The following ST8SIA2 variants were observed in gnomAD, a reference collection of about 807,000 sequenced individuals.
The protein encoded by ST8SIA2 is ST8 alpha-N-acetyl-neuraminide alpha-2,8-sialyltransferase 2.
Under a neutral mutation model 37.6 loss-of-function variants are expected in ST8SIA2, and 22 were observed. The observed-to-expected ratio is 0.58, with a 90% CI of 0.42 to 0.83. The LOEUF is 0.83. Among genes scored for constraint, ST8SIA2 ranks in the 40% least tolerant of loss-of-function variants. The pLI, the probability that ST8SIA2 is intolerant of heterozygous loss-of-function variation, is 0.00. For missense variants in ST8SIA2, 382 were observed against 484.7 expected, an observed-to-expected ratio of 0.79 and a Z score of 1.99; for synonymous variants, 205 against 201.2, an observed-to-expected ratio of 1.02 and a Z score of -0.16.
chr15:92,441,542 C>G (rs2049801757), intron 4 of ST8SIA2, among the ~76,000 whole-genome samples: 1 of 150,984 alleles, frequency 6.6e-6, no homozygotes, highest in Admixed American at 6.6e-5. Flanking sequence ...AGTATAAGTT[C>G]CCAGATGTTT....
In ST8SIA2 at chr15:92,459,225, T is replaced by G. The variant is rs1468874175; in HGVS notation, c.843-4875T>G. 3.9e-5 allele frequency among the ~76,000 whole-genome samples: 6 copies of G among 152,322 alleles called. No individual in the cohort carries two copies. In the South Asian group the frequency reaches 1.0e-3, roughly 26 times the overall value. ...CTATCAGAAAATAAACAAACCATTG[T>G]TTATCTGGCCTGTGTTAGGGCTTGA... On this transcript the variant is annotated intron_variant, in intron 5 of 5. Transcript: ENST00000268164.
chr15:92,452,290 G>C (rs540639112), intron 5 of ST8SIA2, among the ~76,000 whole-genome samples: 1 of 152,334 alleles, frequency 6.6e-6, no homozygotes, highest in African/African-American at 2.4e-5. Context: ...AACTCTAGGA[G>C]TGGGGCCCAC....
At chr15:92,426,126 G>A (rs58239448) in intron 1 of ST8SIA2, among the ~76,000 whole-genome samples, 5,038 of 152,250 alleles carry the variant, frequency 0.033, 278 homozygotes, top group African/African-American at 0.11. Context: ...GTATGAGGAG[G>A]AGTTCGAATT....
chr15:92,435,652 T>C (rs2049751478), intron 3 of ST8SIA2, among the ~76,000 whole-genome samples: 2 of 152,116 alleles, frequency 1.3e-5, no homozygotes, highest in Non-Finnish European at 2.9e-5. Context: ...GGCTGGGGAA[T>C]TGAAAGGCAT....
At chr15:92,426,733 A>G (rs1382693513) in intron 1 of ST8SIA2, among the ~76,000 whole-genome samples, 1 of 152,242 alleles carries the variant, frequency 6.6e-6, no homozygotes, top group Non-Finnish European at 1.5e-5. Context: ...ACAGTTAATA[A>G]TACTGTATTG....
At chr15:92,449,065 C>A (rs183831740) in intron 5 of ST8SIA2, among the ~76,000 whole-genome samples, 1 of 152,024 alleles carries the variant, frequency 6.6e-6, no homozygotes, top group Admixed American at 6.5e-5. Flanking sequence ...AGTTTGTTAC[C>A]TGGGTATATT....
intron 1 of ST8SIA2, among the ~76,000 whole-genome samples, chr15:92,413,416 G>C (rs1308742760): frequency 6.6e-6 from 1 of 152,198 alleles, no homozygotes; most frequent in Non-Finnish European, 1.5e-5. Flanking sequence ...TTAAGGTGGA[G>C]CTAGGGACCA....
intron 1 of ST8SIA2, among the ~76,000 whole-genome samples, chr15:92,424,598 G>GA (rs2049661576): frequency 6.6e-6 from 1 of 150,798 alleles, no homozygotes; most frequent in African/African-American, 2.4e-5. Flanking sequence ...TCCATAGTGT[G>GA]AAAAAAAGTT....
chr15:92,426,453 G>A (rs568979240), intron 1 of ST8SIA2, among the ~76,000 whole-genome samples: 2 of 152,148 alleles, frequency 1.3e-5, no homozygotes, highest in Non-Finnish European at 2.9e-5. Context: ...ATCGAGTGCC[G>A]AGGTTGAGAA....
chr15:92,461,976 TG>T (rs2049960670), intron 5 of ST8SIA2, among the ~76,000 whole-genome samples: 2 of 152,184 alleles, frequency 1.3e-5, no homozygotes, highest in Admixed American at 1.3e-4. Context: ...GTCCCTCCCT[TG>T]GGTTTCCAGT....
rs910500686 is a variant in ST8SIA2 at position 92,415,369 on chromosome 15, C to T, written c.99-14680C>T. Among the ~76,000 whole-genome samples the T allele has an allele frequency of 5.3e-5, 8 of 151,800 alleles. No individual in the cohort carries two copies. In the East Asian group the frequency reaches 5.8e-4, roughly 11 times the overall value. Reference sequence around the variant, plus strand: ...GCCTGCAGTCCTAATGTACCTGGCACGGGAGGGGTTTCTGAGTCAGGGAAG... The same window carrying T: ...GCCTGCAGTCCTAATGTACCTGGCATGGGAGGGGTTTCTGAGTCAGGGAAG... On this transcript the variant is annotated intron_variant, in intron 1 of 5. Coordinates refer to ENST00000268164, the MANE Select transcript of ST8SIA2 (RefSeq NM_006011.4).
chr15:92,464,673 G>A lies in ST8SIA2; in HGVS notation c.*288G>A. On this transcript the variant is annotated 3_prime_UTR_variant, in exon 6 of 6. Coordinates refer to ENST00000268164, the MANE Select transcript of ST8SIA2 (RefSeq NM_006011.4). Reference sequence around the variant, plus strand: ...CTCAATCCATCTTTGGGGGTGGAAGGACTTGACATGAAAAGAAGCCAGTCC... The same window carrying A: ...CTCAATCCATCTTTGGGGGTGGAAGAACTTGACATGAAAAGAAGCCAGTCC... The A allele has an allele frequency of 2.3e-6, 1 of 438,550 alleles. No individual in the cohort carries two copies. The highest frequency in any genetic ancestry group is 4.1e-6 in the Non-Finnish European group (1 of 242,304). 27.2% of individuals were successfully genotyped at this position (438,550 alleles called of 1,614,324 possible).
intron 1 of ST8SIA2, among the ~76,000 whole-genome samples, chr15:92,427,711 C>A (rs2049686926): frequency 6.6e-6 from 1 of 152,146 alleles, no homozygotes; most frequent in South Asian, 2.1e-4. Flanking sequence ...TGGCTGGGTG[C>A]AGTAGCTCCT....
At chr15:92,430,916 T>C (rs1374801974) in intron 2 of ST8SIA2, among the ~76,000 whole-genome samples, 1 of 152,216 alleles carries the variant, frequency 6.6e-6, no homozygotes, top group Non-Finnish European at 1.5e-5. Flanking sequence ...ATGCAGAGGA[T>C]TGTCTATTAT....
intron 5 of ST8SIA2, among the ~76,000 whole-genome samples, chr15:92,453,729 A>G (rs1596249085): frequency 1.3e-5 from 2 of 152,338 alleles, no homozygotes; most frequent in South Asian, 2.1e-4. Context: ...GTTTTGAGAG[A>G]GAAGGTTCCA....
At position 92,465,916 on chromosome 15, in the gene ST8SIA2, C is replaced by T. The variant is rs185855020; in HGVS notation, c.*1531C>T. ...TGAATTTGTTAGTCGTATTCCTTCA[C>T]CTGATGAATAACAGTGTTTTAAAAC... On this transcript the variant is annotated 3_prime_UTR_variant, in exon 6 of 6. Coordinates refer to ENST00000268164, the MANE Select transcript of ST8SIA2 (RefSeq NM_006011.4). 6.6e-6 allele frequency: 1 copy of T among 152,230 alleles called. No homozygotes were observed. The highest frequency in any genetic ancestry group is 1.9e-4 in the East Asian group (1 of 5,174). The allele number at this position is 152,230 out of a possible 1,614,324, so 9.4% of individuals were successfully genotyped here. A position where few individuals can be genotyped will look rare whatever the true frequency, so the allele number is the denominator to read the frequency against.
rs568935690 is a variant in ST8SIA2, at chr15:92,462,321, G to C, written c.843-1779G>C. ...ACTCACTGAACTTACATAGGTTATT[G>C]ATAATCTATAACCTCATCTGATTCA... On this transcript the variant is annotated intron_variant, in intron 5 of 5. Coordinates refer to ENST00000268164, the MANE Select transcript of ST8SIA2 (RefSeq NM_006011.4). Among the ~76,000 whole-genome samples, 3 of 152,252 alleles carry C rather than the reference G, an allele frequency of 2.0e-5. No individual in the cohort carries two copies. In the East Asian group the frequency reaches 5.8e-4, roughly 29 times the overall value.
chr15:92,464,356 ACTGT>A lies in ST8SIA2; in HGVS notation c.1101_1104del (p.Val368AlafsTer41). ...ACATGAGCAGGGGGCTTTGAAACTG[ACTGT>A]CGGCCAGTGCGATGGGGCCACGTAG... On this transcript the variant is annotated frameshift_variant, in exon 6 of 6. Coordinates refer to ENST00000268164, the MANE Select transcript of ST8SIA2 (RefSeq NM_006011.4). LOFTEE classifies it high-confidence loss of function. The A allele has an allele frequency of 6.2e-7, 1 of 1,613,926 alleles. No individual in the cohort carries two copies. Among genetic ancestry groups the A allele is most frequent in the Non-Finnish European group, 8.5e-7 (1 of 1,180,020 alleles).
At chr15:92,414,858 GC>G (rs1250484389) in intron 1 of ST8SIA2, among the ~76,000 whole-genome samples, 1 of 152,222 alleles carries the variant, frequency 6.6e-6, no homozygotes, top group Admixed American at 6.5e-5. Flanking sequence ...CATTTCCCAT[GC>G]CCTAAGTCAA....
Sources: gnomAD v4.1 joint callset for allele counts (sites outside exome capture counted in the v4.1 genomes callset) on GRCh38, gnomAD v4.1.1 for gene constraint, MANE v1.5 for transcripts, NCBI Gene and HGNC (gene_info 2026-07-23, HGNC 2026-07-21) for gene names.